The following FBXO11 variants were observed in gnomAD, a reference collection of about 807,000 sequenced individuals.
FBXO11 encodes F-box protein 11.
A neutral mutation model predicts 117.0 loss-of-function variants in FBXO11; 13 were observed. The ratio of observed to expected loss-of-function variants is 0.11; its 90% CI spans 0.07 to 0.18. The LOEUF is 0.18. Ranked by LOEUF, FBXO11 falls within the 10% of genes least tolerant of loss-of-function variation. FBXO11 has a pLI of 1.00. For synonymous variants in FBXO11, 490 were observed against 380.5 expected (o/e 1.29, Z -3.35); for missense variants, 767 against 1,164.4 (o/e 0.66, Z 4.97).
At chr2:47,848,729 A>T (rs1673611028) in intron 1 of FBXO11, among the ~76,000 whole-genome samples, 1 of 152,226 alleles carries the variant, frequency 6.6e-6, no homozygotes, top group Non-Finnish European at 1.5e-5. Context: ...TTTAATTAAA[A>T]AATAATCTCT....
In FBXO11 at chr2:47,905,612, G is replaced by C; in HGVS notation, c.109C>G (p.Gln37Glu). 1 of 1,364,974 alleles carries C rather than the reference G, an allele frequency of 7.3e-7. No homozygotes were observed. Among genetic ancestry groups the C allele is most frequent in the Non-Finnish European group, 9.5e-7 (1 of 1,057,068 alleles). The allele number at this position is 1,364,974 out of a possible 1,614,324, so 84.6% of individuals were successfully genotyped here. The change falls in exon 1 of 23, where the codon CAG (glutamine) becomes GAG (glutamate). Residue 37 changes from glutamine (Q) to glutamate (E), a missense_variant. Physicochemically the swap from Gln to Glu is conservative, Grantham distance 29. Coordinates refer to ENST00000403359, the MANE Select transcript of FBXO11 (RefSeq NM_001190274.2). ...PPQQPPPQPPQQQPPQQQPPP... is the reference protein window; with the variant it reads ...PPQQPPPQPPEQQPPQQQPPP... ...GGCTGCTGCTGGGGCGGCTGCTGCT[G>C]GGGCGGCTGCGGCGGCGGCTGCTGC...
chr2:47,894,551 A>T (rs185427305), intron 1 of FBXO11, among the ~76,000 whole-genome samples: 52 of 152,288 alleles, frequency 3.4e-4, no homozygotes, highest in African/African-American at 1.2e-3. Flanking sequence ...GTATTTTTTT[A>T]AAATTCTTAA....
intron 1 of FBXO11, among the ~76,000 whole-genome samples, chr2:47,844,562 G>C (rs187983979): frequency 8.5e-5 from 13 of 152,286 alleles, no homozygotes; most frequent in Admixed American, 4.6e-4. Flanking sequence ...TTATTTCTCT[G>C]ATTTCTGATA....
At chr2:47,903,872 G>A (rs1678520834) in intron 1 of FBXO11, among the ~76,000 whole-genome samples, 1 of 152,194 alleles carries the variant, frequency 6.6e-6, no homozygotes, top group Admixed American at 6.5e-5. Context: ...AGACATATGT[G>A]AAAGGAAATA....
At chr2:47,904,557 AACACACACACGCGCGCGCGCGCAAACAC>A (rs1558491426) in intron 1 of FBXO11, among the ~76,000 whole-genome samples, 1 of 150,164 alleles carries the variant, frequency 6.7e-6, no homozygotes, top group Non-Finnish European at 1.5e-5. Flanking sequence ...CCTTGGACAC[AACACACACACGCGCGCGCGCGCAAACAC>A]ACACACACAC....
intron 1 of FBXO11, 104 bp downstream of exon 1, chr2:47,905,385 C>T (rs960652359): frequency 1.4e-5 from 15 of 1,064,990 alleles, no homozygotes; most frequent in Non-Finnish European, 1.7e-5. Flanking sequence ...CTCCCACCCC[C>T]AGGGCGCGCA....
chr2:47,832,994 T>G lies in FBXO11; in HGVS notation c.1011A>C (p.Glu337Asp). ...DSTFVFMEGS[E>D]DAYVGYMTIR... ...TTGTCATATATCCAACATAAGCATC[T>G]TCAGAGCCTTCCATAAAAACGAAGG... Residue 337 changes from glutamate to aspartate, a missense_variant, in exon 8 of 23, where the codon GAA (glutamate) becomes GAC (aspartate). Glu to Asp is a conservative substitution (Grantham distance 45). Transcript: ENST00000403359. 1 of 1,613,594 alleles carries G rather than the reference T, an allele frequency of 6.2e-7. No individual in the cohort carries two copies. Among genetic ancestry groups the G allele is most frequent in the Non-Finnish European group, 8.5e-7 (1 of 1,179,556 alleles).
At chr2:47,876,559 C>G (rs181481931) in intron 1 of FBXO11, among the ~76,000 whole-genome samples, 14 of 152,136 alleles carry the variant, frequency 9.2e-5, no homozygotes, top group African/African-American at 3.4e-4. Flanking sequence ...CTTATACATT[C>G]GGAGGAAAGA....
At chr2:47,839,277 A>G (rs1672837876) in intron 3 of FBXO11, 142 bp downstream of exon 3, 1 of 795,022 alleles carries the variant, frequency 1.3e-6, no homozygotes. Flanking sequence ...GGGAGAGGTC[A>G]GGGTTCTAAA....
At chr2:47,875,294 G>A (rs1675916979) in intron 1 of FBXO11, among the ~76,000 whole-genome samples, 1 of 152,074 alleles carries the variant, frequency 6.6e-6, no homozygotes, top group Non-Finnish European at 1.5e-5. Context: ...GTCACATGTG[G>A]CAAGTGGCTA....
At chr2:47,858,665 G>C (rs1297063874) in intron 1 of FBXO11, among the ~76,000 whole-genome samples, 2 of 128,664 alleles carry the variant, frequency 1.6e-5, no homozygotes, top group Non-Finnish European at 3.2e-5. Flanking sequence ...CTGGGCAACA[G>C]AGTGAGACTC....
At chr2:47,835,458 A>C (rs945015176) in intron 5 of FBXO11, among the ~76,000 whole-genome samples, 2 of 152,148 alleles carry the variant, frequency 1.3e-5, no homozygotes, top group Non-Finnish European at 2.9e-5. Context: ...AGAATTGCTG[A>C]ATATTCTGTT....
At position 47,839,655 on chromosome 2, in the gene FBXO11, T is replaced by C. The variant is rs1376738009; in HGVS notation, c.347A>G (p.Lys116Arg). Reference protein sequence around the residue: ...LLPKRTACPTKNSMEGASTST... With the variant: ...LLPKRTACPTRNSMEGASTST... The stretch of plus-strand genomic sequence containing the variant: ...AGTTAAAGTTACCTCCATACTGTTC[T>C]TTGTGGGACACGCTGTTCTTTTCGG... Residue 116 changes from lysine (K) to arginine (R), a missense_variant, in exon 2 of 23, where the codon AAG (lysine) becomes AGG (arginine). Around this residue, in one of 10 missense-constraint regions of FBXO11, gnomAD observed 355 missense variants for 299.8 expected, o/e 1.18. Transcript: ENST00000403359. 3 of 1,614,138 alleles carry C rather than the reference T, an allele frequency of 1.9e-6. No individual in the cohort carries two copies. Among genetic ancestry groups the C allele is most frequent in the Non-Finnish European group, 8.5e-7 (1 of 1,180,028 alleles).
rs1199919676 is a variant in FBXO11 at position 47,810,271 on chromosome 2, T to C, written c.2338+45A>G. On this transcript the variant is annotated intron_variant, in intron 19 of 22. Coordinates refer to ENST00000403359, the MANE Select transcript of FBXO11 (RefSeq NM_001190274.2). Reference sequence around the variant, plus strand: ...TGAATATACTCCACATCAAACACTTTGCAGAACTATATATAAGCCACAGGT... The same window carrying C: ...TGAATATACTCCACATCAAACACTTCGCAGAACTATATATAAGCCACAGGT... 4.7e-6 allele frequency: 6 copies of C among 1,283,700 alleles called. No homozygotes were observed. The African/African-American group carries it at 7.5e-5, about 16-fold the overall frequency. The allele number at this position is 1,283,700 out of a possible 1,614,324, so 79.5% of individuals were successfully genotyped here.
chr2:47,818,311 T>C (rs939398637), intron 16 of FBXO11: 4 of 153,310 alleles, frequency 2.6e-5, no homozygotes, highest in African/African-American at 9.6e-5. Flanking sequence ...AACTGTAAAG[T>C]GTAATAAACA....
At chr2:47,904,581 A>AACACACACACACACACACACACAC (rs112758707) in intron 1 of FBXO11, among the ~76,000 whole-genome samples, 1 of 147,584 alleles carries the variant, frequency 6.8e-6, no homozygotes, top group Non-Finnish European at 1.5e-5. Flanking sequence ...CGCGCGCGCA[A>AACACACACACACACACACACACAC]ACACACACAC....
rs183330426 is a variant in FBXO11, at chr2:47,899,214, C to T, written c.232+6275G>A. ...GTGTGAACCCGGGAGGCGGAGCTTG[C>T]GGTGAGCCGAAATCGCGCCACTGTA... On this transcript the variant is annotated intron_variant, in intron 1 of 22. Transcript: ENST00000403359. 2.8e-4 allele frequency among the ~76,000 whole-genome samples: 39 copies of T among 140,916 alleles called. 1 individual carries two copies. The highest frequency in any genetic ancestry group is 2.7e-3 in the South Asian group (12 of 4,478). The allele number at this position is 140,916 out of a possible 152,430, so 92.4% of individuals were successfully genotyped here. A position where few individuals can be genotyped will look rare whatever the true frequency, so the allele number is the denominator to read the frequency against.
At chr2:47,897,405 A>G (rs1285463294) in intron 1 of FBXO11, among the ~76,000 whole-genome samples, 1 of 152,156 alleles carries the variant, frequency 6.6e-6, no homozygotes, top group African/African-American at 2.4e-5. Context: ...CACACTAAAG[A>G]AAAACTTCTG....
chr2:47,898,178 C>T (rs1030157720), intron 1 of FBXO11, among the ~76,000 whole-genome samples: 4 of 152,154 alleles, frequency 2.6e-5, no homozygotes, highest in African/African-American at 4.8e-5. Flanking sequence ...GTTTAAAAAA[C>T]GTTTTAAATG....
Sources: allele counts gnomAD v4.1 joint callset (sites outside exome capture counted in the v4.1 genomes callset), GRCh38; gene constraint gnomAD v4.1.1; regional missense constraint gnomAD v4.1.1; transcripts MANE v1.5; gene names NCBI Gene and HGNC (gene_info 2026-07-23, HGNC 2026-07-21).